The following ANK1 variants were observed in gnomAD, a reference collection of about 807,000 sequenced individuals.
ANK1 encodes ankyrin 1.
ANK1 carries 51 observed loss-of-function variants against 210.4 expected under a neutral mutation model. That is an observed-to-expected ratio of 0.24 (90% CI 0.19 to 0.31). ANK1 has a LOEUF of 0.31. Among genes scored for constraint, ANK1 ranks in the 10% least tolerant of loss-of-function variants. The probability of loss-of-function intolerance (pLI) is 1.00; values close to 1 mark genes in which losing one functional copy is unlikely to be tolerated. For missense variants in ANK1, 2,051 were observed against 2,504.4 expected, an observed-to-expected ratio of 0.82 and a Z score of 3.86; for synonymous variants, 967 against 1,025.9, an observed-to-expected ratio of 0.94 and a Z score of 1.10.
intron 1 of ANK1, among the ~76,000 whole-genome samples, chr8:41,891,298 G>A (rs1263070213): frequency 6.6e-6 from 1 of 150,968 alleles, no homozygotes; most frequent in African/African-American, 2.4e-5. Context: ...TTTTTTTTAA[G>A]TGTTGCCACA....
chr8:41,746,201 G>A (rs538128958), intron 2 of ANK1, among the ~76,000 whole-genome samples: 6 of 152,260 alleles, frequency 3.9e-5, no homozygotes, highest in Admixed American at 6.5e-5. Flanking sequence ...TTTCTAACCC[G>A]GATAGTTTAT....
At chr8:41,782,184 G>A (rs1376854252) in intron 1 of ANK1, among the ~76,000 whole-genome samples, 1 of 152,204 alleles carries the variant, frequency 6.6e-6, no homozygotes, top group Non-Finnish European at 1.5e-5. Context: ...CACACCCCCT[G>A]CCATGGGGCC....
chr8:41,815,433 T>C (rs1427609742), intron 1 of ANK1, among the ~76,000 whole-genome samples: 1 of 152,160 alleles, frequency 6.6e-6, no homozygotes, highest in Admixed American at 6.5e-5. Context: ...AAAACCGTTA[T>C]AATAAATGTA....
chr8:41,875,830 A>T (rs1394320361), intron 1 of ANK1, among the ~76,000 whole-genome samples: 1 of 152,030 alleles, frequency 6.6e-6, no homozygotes, highest in Non-Finnish European at 1.5e-5. Flanking sequence ...TTTGTAGATG[A>T]TCTAGTGTTA....
At chr8:41,677,449 T>A (rs1479250886) in intron 37 of ANK1, among the ~76,000 whole-genome samples, 1 of 152,140 alleles carries the variant, frequency 6.6e-6, no homozygotes, top group African/African-American at 2.4e-5. Context: ...TTATTTTGCT[T>A]TCATTTTTGA....
At chr8:41,856,010 G>A (rs916031948) in intron 1 of ANK1, among the ~76,000 whole-genome samples, 5 of 152,170 alleles carry the variant, frequency 3.3e-5, no homozygotes, top group African/African-American at 1.2e-4. Flanking sequence ...AAATTCTGAT[G>A]TCAACAAGCC....
intron 9 of ANK1, 138 bp downstream of exon 9, chr8:41,722,987 C>T: frequency 2.4e-6 from 2 of 819,486 alleles, no homozygotes; most frequent in South Asian, 1.4e-5. Context: ...ACGTGATAGG[C>T]CTTGTAATAA....
chr8:41,664,883 C>T, intron 39 of ANK1: 1 of 1,614,150 alleles, frequency 6.2e-7, no homozygotes. Context: ...TCTCCCCCAG[C>T]TCCTTGTCCA....
chr8:41,665,936 T>A (rs1173543360), intron 39 of ANK1: 1 of 152,232 alleles, frequency 6.6e-6, no homozygotes, highest in Non-Finnish European at 1.5e-5. Flanking sequence ...AAACTTGTAT[T>A]TACAGAGCTG....
At chr8:41,770,208 C>T (rs1586832102) in intron 1 of ANK1, among the ~76,000 whole-genome samples, 1 of 152,064 alleles carries the variant, frequency 6.6e-6, no homozygotes, top group South Asian at 2.1e-4. Context: ...GTCTTGAACT[C>T]CTGACCTCAG....
At position 41,704,088 on chromosome 8, in the gene ANK1, C is replaced by T. The variant is rs775089579; in HGVS notation, c.2248G>A (p.Val750Met). The T allele has an allele frequency of 3.7e-6, 6 of 1,614,032 alleles. No homozygotes were observed. Among genetic ancestry groups the T allele is most frequent in the East Asian group, 4.5e-5 (2 of 44,880 alleles). The change falls in exon 20 of 43, where the codon GTG becomes ATG. Residue 750 changes from valine (V) to methionine (M), a missense_variant. Val to Met is a conservative substitution (Grantham distance 21). Transcript: ENST00000289734. This position sits in a 1 kb window ranked among gnomAD's most constrained non-coding sequence, Gnocchi z 4.1. ...QAAQQGHTDIVTLLLKNGASP... is the reference protein window; with the variant it reads ...QAAQQGHTDIMTLLLKNGASP... ...GCACCGTTTTTCAGAAGCAGAGTCA[C>T]GATGTCTGTGTGTCCCTGCTGGGCT...
rs753989733 is a variant in ANK1 at position 41,723,619 on chromosome 8, T to C, written c.726A>G (p.Pro242=). Residue 242 remains proline, a synonymous_variant, in exon 8 of 43, where the codon CCA becomes CCG. Transcript: ENST00000289734. ...TGCCCCTGCGGGAGGCGATGTGCAG[T>C]GGCGTGATGCCGTTCTGAAGGGAGG... ...VNFTPQNGIT[P]LHIASRRGNV... is the part of the protein sequence containing the mutation. 1.9e-6 allele frequency: 3 copies of C among 1,613,394 alleles called. No individual in the cohort carries two copies. In the Admixed American group the frequency reaches 5.0e-5, roughly 27 times the overall value.
rs35873178 is a variant in ANK1, at chr8:41,805,064, C to CTGTG, written c.127-46931_127-46928dup. Among the ~76,000 whole-genome samples, 272 of 148,048 alleles carry CTGTG rather than the reference C, an allele frequency of 1.8e-3. 2 individuals are homozygous for CTGTG. The highest frequency in any genetic ancestry group is 3.5e-3 in the African/African-American group (140 of 40,154). The stretch of plus-strand genomic sequence containing the variant: ...CATAGAGCTGTTTCTTTCTTTCTCT[C>CTGTG]TGTGTGTGTGTGTGTGTGTCGTGTG... On this transcript the variant is annotated intron_variant, in intron 1 of 42. Coordinates refer to the ANK1 transcript ENST00000265709.
At chr8:41,773,561 T>G (rs184794494) in intron 1 of ANK1, among the ~76,000 whole-genome samples, 39 of 152,326 alleles carry the variant, frequency 2.6e-4, no homozygotes, top group Non-Finnish European at 4.7e-4. Flanking sequence ...ATTCGACTCC[T>G]AACGAGCTCG....
At chr8:41,664,721 G>A (rs773545762) in intron 39 of ANK1, 32 of 1,374,244 alleles carry the variant, frequency 2.3e-5, no homozygotes, top group African/African-American at 5.7e-5. Flanking sequence ...CTCTGGGTCC[G>A]GAGCTCCCCA....
intron 1 of ANK1, among the ~76,000 whole-genome samples, chr8:41,783,589 A>G (rs891935624): frequency 6.6e-6 from 1 of 150,416 alleles, no homozygotes; most frequent in African/African-American, 2.5e-5. Flanking sequence ...TCTCCAACAA[A>G]GGAAAATCTG....
chr8:41,677,950 A>G (rs1814733444), intron 37 of ANK1, among the ~76,000 whole-genome samples: 1 of 152,106 alleles, frequency 6.6e-6, no homozygotes, highest in South Asian at 2.1e-4. Context: ...TCCCTTGTAC[A>G]TAACACATTT....
intron 3 of ANK1, among the ~76,000 whole-genome samples, chr8:41,729,727 C>T (rs1356206369): frequency 1.3e-5 from 2 of 152,248 alleles, no homozygotes; most frequent in African/African-American, 2.4e-5. Context: ...AATTCACAGA[C>T]AGGACCAGCA....
At chr8:41,883,545 A>C (rs1322475625) in intron 1 of ANK1, among the ~76,000 whole-genome samples, 2 of 152,112 alleles carry the variant, frequency 1.3e-5, no homozygotes, top group African/African-American at 4.8e-5. Context: ...CTGCAGCCTC[A>C]ACCTCCTGGG....
Sources: gnomAD v4.1 joint callset for allele counts (sites outside exome capture counted in the v4.1 genomes callset) on GRCh38, gnomAD v4.1.1 for gene constraint, Gnocchi (gnomAD v3.1) non-coding constraint, MANE v1.5 for transcripts, NCBI Gene and HGNC (gene_info 2026-07-23, HGNC 2026-07-21) for gene names.